DHRSX: variants seen among roughly 807,000 people sequenced by gnomAD.
DHRSX encodes polyprenol dehydrogenase.
A neutral mutation model predicts 34.0 loss-of-function variants in DHRSX; 31 were observed. The ratio of observed to expected loss-of-function variants is 0.91; its 90% CI spans 0.69 to 1.23. DHRSX has a LOEUF of 1.23. DHRSX is among the 50% of genes most tolerant of loss of function. The pLI, the probability that DHRSX is intolerant of heterozygous loss-of-function variation, is 0.00. For missense variants in DHRSX, 414 were observed against 428.1 expected, an observed-to-expected ratio of 0.97 and a Z score of 0.29; for synonymous variants, 201 against 183.8, an observed-to-expected ratio of 1.09 and a Z score of -0.76.
intron 3 of DHRSX, among the ~76,000 whole-genome samples, chrX:2,372,259 G>C (rs2043081352): frequency 4.6e-5 from 7 of 152,092 alleles, no homozygotes; most frequent in Admixed American, 4.6e-4. Flanking sequence ...GGAAATCCAT[G>C]CTTCTAGTTT....
chrX:2,271,670 C>G (rs1426305561), intron 4 of DHRSX, among the ~76,000 whole-genome samples: 2 of 152,272 alleles, frequency 1.3e-5, no homozygotes, highest in Non-Finnish European at 2.9e-5. Flanking sequence ...ATTAAACATT[C>G]AACACTCCTA....
chrX:2,375,569 CTT>C (rs1222829993), intron 3 of DHRSX, among the ~76,000 whole-genome samples: 1 of 136,600 alleles, frequency 7.3e-6, no homozygotes, highest in African/African-American at 2.5e-5. Context: ...TTTATTCTCT[CTT>C]GAGTCAGCAA....
At chrX:2,286,588 G>A (rs1264241053) in intron 4 of DHRSX, among the ~76,000 whole-genome samples, 1 of 152,030 alleles carries the variant, frequency 6.6e-6, no homozygotes, top group Non-Finnish European at 1.5e-5. Flanking sequence ...CTGCCTCTCT[G>A]CATTTCTGTC....
chrX:2,394,589 C>T (rs1368899759), intron 3 of DHRSX, among the ~76,000 whole-genome samples: 3 of 151,966 alleles, frequency 2.0e-5, no homozygotes, highest in Non-Finnish European at 2.9e-5. Context: ...GAGTTGGGGC[C>T]GGGCACAGTG....
chrX:2,443,650 T>C (rs2044090107), intron 1 of DHRSX, among the ~76,000 whole-genome samples: 1 of 151,934 alleles, frequency 6.6e-6, no homozygotes. Context: ...AAGCAATGCT[T>C]TAAGGACAAG....
In DHRSX at chrX:2,221,034, C is replaced by T. The variant is rs1268416337; in HGVS notation, c.*7G>A. On this transcript the variant is annotated 3_prime_UTR_variant, in exon 7 of 7. Coordinates refer to ENST00000334651, the MANE Select transcript of DHRSX (RefSeq NM_145177.3). Reference sequence around the variant, plus strand: ...TCTTGGGGCAGCAGCTATCCTGAGACAGGATATCACAGGGTCACATCAAGG... The same window carrying T: ...TCTTGGGGCAGCAGCTATCCTGAGATAGGATATCACAGGGTCACATCAAGG... 25 of 1,612,960 alleles carry T rather than the reference C, an allele frequency of 1.5e-5. No homozygotes were observed. The highest frequency in any genetic ancestry group is 2.1e-5 in the Non-Finnish European group (25 of 1,179,236).
At chrX:2,329,174 G>C (rs2042426456) in intron 3 of DHRSX, among the ~76,000 whole-genome samples, 1 of 152,126 alleles carries the variant, frequency 6.6e-6, no homozygotes, top group East Asian at 1.9e-4. Flanking sequence ...GCCAGGCAGT[G>C]GGGCTCTACC....
intron 1 of DHRSX, among the ~76,000 whole-genome samples, chrX:2,450,601 T>A (rs2044203273): frequency 6.6e-6 from 1 of 152,106 alleles, no homozygotes; most frequent in Admixed American, 6.6e-5. Context: ...AGGTTCTGCG[T>A]ACCACCTATA....
chrX:2,303,444 A>C (rs2042037896), intron 3 of DHRSX, among the ~76,000 whole-genome samples: 1 of 151,482 alleles, frequency 6.6e-6, no homozygotes, highest in South Asian at 2.1e-4. Flanking sequence ...AGTGCACAGC[A>C]CCTCCCCTCC....
chrX:2,476,464 GA>G (rs1216364796), intron 1 of DHRSX, among the ~76,000 whole-genome samples: 5 of 151,660 alleles, frequency 3.3e-5, no homozygotes, highest in Admixed American at 1.3e-4. Flanking sequence ...TCTACACTGT[GA>G]AAAAAATATC....
At chrX:2,230,908 C>T (rs190640076) in intron 6 of DHRSX, among the ~76,000 whole-genome samples, 4,131 of 152,208 alleles carry the variant, frequency 0.027, 135 homozygotes, top group African/African-American at 0.083. Context: ...TCCTGTTTTT[C>T]TTGAGAACTG....
chrX:2,462,599 T>C (rs1284910539), intron 1 of DHRSX, among the ~76,000 whole-genome samples: 1 of 151,938 alleles, frequency 6.6e-6, no homozygotes, highest in African/African-American at 2.4e-5. Context: ...GAAGGGTAAC[T>C]AGAAACAACT....
At chrX:2,373,185 G>C (rs1280024507) in intron 3 of DHRSX, among the ~76,000 whole-genome samples, 1 of 152,138 alleles carries the variant, frequency 6.6e-6, no homozygotes, top group East Asian at 1.9e-4. Context: ...ACTACCACGA[G>C]AACAGTATGC....
At chrX:2,360,368 A>C (rs1295392097) in intron 3 of DHRSX, among the ~76,000 whole-genome samples, 1 of 152,156 alleles carries the variant, frequency 6.6e-6, no homozygotes, top group Non-Finnish European at 1.5e-5. Flanking sequence ...GCGGATCACG[A>C]GGGCAGGAGT....
chrX:2,413,704 A>C (rs1203481803), intron 2 of DHRSX, among the ~76,000 whole-genome samples: 1 of 152,190 alleles, frequency 6.6e-6, no homozygotes, highest in Non-Finnish European at 1.5e-5. Context: ...AACCTAACCA[A>C]CTAGACTTCC....
intron 2 of DHRSX, among the ~76,000 whole-genome samples, chrX:2,424,927 C>T (rs1471750595): frequency 6.6e-6 from 1 of 151,970 alleles, no homozygotes; most frequent in African/African-American, 2.4e-5. Flanking sequence ...ATGGCTTGAG[C>T]TCAGGAGTTC....
At chrX:2,237,683 T>G (rs1213724181) in intron 6 of DHRSX, among the ~76,000 whole-genome samples, 1 of 152,012 alleles carries the variant, frequency 6.6e-6, no homozygotes, top group South Asian at 2.1e-4. Flanking sequence ...TTCTGTATTT[T>G]TAGTAGAGAC....
chrX:2,296,863 A>G (rs1331859857), intron 3 of DHRSX, among the ~76,000 whole-genome samples: 2 of 45,054 alleles, frequency 4.4e-5, no homozygotes, highest in Non-Finnish European at 1.4e-4. Context: ...CCCCAGGCAG[A>G]CAGGAATAGG....
At chrX:2,445,343 C>A (rs983997983) in intron 1 of DHRSX, among the ~76,000 whole-genome samples, 4 of 152,060 alleles carry the variant, frequency 2.6e-5, no homozygotes, top group Admixed American at 2.6e-4. Context: ...TATAAGCCCA[C>A]GTCCTATGTG....
Sources: gnomAD v4.1 joint callset for allele counts (sites outside exome capture counted in the v4.1 genomes callset) on GRCh38, gnomAD v4.1.1 for gene constraint, MANE v1.5 for transcripts, NCBI Gene and HGNC (gene_info 2026-07-23, HGNC 2026-07-21) for gene names.